Variants in KALRN observed in about 807,000 individuals in gnomAD.
The protein encoded by KALRN is kalirin RhoGEF kinase.
KALRN carries 70 observed loss-of-function variants against 353.7 expected under a neutral mutation model. The observed-to-expected ratio is 0.20, with a 90% CI of 0.16 to 0.24. The LOEUF is 0.24. Ranked by LOEUF, KALRN falls within the 10% of genes least tolerant of loss-of-function variation. The pLI is 1.00. For missense variants in KALRN, 2,791 were observed against 3,756.7 expected, an observed-to-expected ratio of 0.74 and a Z score of 6.72; for synonymous variants, 1,391 against 1,434.8, an observed-to-expected ratio of 0.97 and a Z score of 0.69.
intron 13 of KALRN, 27 bp downstream of exon 13, chr3:124,398,898 G>GCTTTGTGTTATCTATTCAAAT: frequency 6.3e-7 from 1 of 1,578,630 alleles, no homozygotes. Flanking sequence ...AGGGGAGGTG[G>GCTTTGTGTTATCTATTCAAAT]AGAGGGGCCA....
chr3:124,107,950 C>T (rs544774721), intron 1 of KALRN, among the ~76,000 whole-genome samples: 7 of 152,174 alleles, frequency 4.6e-5, no homozygotes, highest in Admixed American at 3.9e-4. Flanking sequence ...CTACACAGAT[C>T]AGAGTTAACA....
At chr3:124,421,199 A>G (rs1487378273) in intron 14 of KALRN, among the ~76,000 whole-genome samples, 1 of 152,220 alleles carries the variant, frequency 6.6e-6, no homozygotes, top group East Asian at 1.9e-4. Context: ...CAAGTAGTTC[A>G]GAGTTAGGAT....
intron 23 of KALRN, among the ~76,000 whole-genome samples, chr3:124,459,466 C>T (rs1460562324): frequency 6.6e-6 from 1 of 152,194 alleles, no homozygotes; most frequent in East Asian, 1.9e-4. Flanking sequence ...TCCTGCTTTG[C>T]TCTCTAAGTA....
chr3:124,406,194 A>C (rs1232324072), intron 13 of KALRN, among the ~76,000 whole-genome samples: 1 of 152,202 alleles, frequency 6.6e-6, no homozygotes, highest in African/African-American at 2.4e-5. Flanking sequence ...AAAGGTCTTT[A>C]GCTATTTAAA....
At position 124,558,571 on chromosome 3, in the gene KALRN, G is replaced by A. The variant is rs137899155; in HGVS notation, c.4936-4272G>A. Among the ~76,000 whole-genome samples the A allele has an allele frequency of 7.2e-4, 110 of 152,302 alleles. 1 individual carries two copies. Among genetic ancestry groups the A allele is most frequent in the East Asian group, 5.0e-3 (26 of 5,190 alleles). ...TGGGATTACAGTCACGAGCCACTGC[G>A]CCCAGCCCAGAACTTATTTTTTAGA... On this transcript the variant is annotated intron_variant, in intron 33 of 59. Transcript: ENST00000682506.
intron 34 of KALRN, among the ~76,000 whole-genome samples, chr3:124,600,828 T>C (rs908931051): frequency 6.6e-6 from 1 of 152,178 alleles, no homozygotes; most frequent in Non-Finnish European, 1.5e-5. Flanking sequence ...TTTTCCAAAA[T>C]GCCCCAGCTC....
At chr3:124,649,793 A>AGATG (rs2083187810) in intron 37 of KALRN, among the ~76,000 whole-genome samples, 1 of 139,554 alleles carries the variant, frequency 7.2e-6, no homozygotes, top group Non-Finnish European at 1.6e-5. Flanking sequence ...GTCTCAAAAT[A>AGATG]GATAGATAGA....
intron 1 of KALRN, among the ~76,000 whole-genome samples, chr3:124,077,408 ATTCATTCCTACTC>A (rs562215207): frequency 1.2e-3 from 189 of 152,248 alleles, no homozygotes; most frequent in African/African-American, 4.5e-3. Context: ...ACTTAAGGCC[ATTCATTCCTACTC>A]TTCATTCCTA....
intron 14 of KALRN, among the ~76,000 whole-genome samples, chr3:124,420,861 A>C (rs2092747617): frequency 6.6e-6 from 1 of 152,174 alleles, no homozygotes; most frequent in Non-Finnish European, 1.5e-5. Context: ...TGGTGGTGGC[A>C]GTGATGGATT....
intron 3 of KALRN, among the ~76,000 whole-genome samples, chr3:124,244,655 A>G (rs2080898931): frequency 6.6e-6 from 1 of 152,210 alleles, no homozygotes. Context: ...TTTCATGTGT[A>G]ATAGTGTGTC....
At position 124,694,417 on chromosome 3, in the gene KALRN, G is replaced by A. The variant is rs2061961451; in HGVS notation, c.7491G>A (p.Arg2497=). Residue 2497 remains arginine, a synonymous_variant, in exon 53 of 60, where the codon CGG becomes CGA. Coordinates refer to ENST00000682506, the MANE Select transcript of KALRN (RefSeq NM_001388419.1). Reference sequence around the variant, plus strand: ...TACTGCAGTGCAAAGTCTGTGGGCGGCCAAAGCCCACCATCACTTGGAAGG... The same window carrying A: ...TACTGCAGTGCAAAGTCTGTGGGCGACCAAAGCCCACCATCACTTGGAAGG... ...TVILQCKVCG[R]PKPTITWKGP... The A allele has an allele frequency of 6.2e-7, 1 of 1,614,124 alleles. No individual in the cohort carries two copies. The highest frequency in any genetic ancestry group is 8.5e-7 in the Non-Finnish European group (1 of 1,179,948).
At chr3:124,059,453 A>G (rs1391982173) in intron 1 of KALRN, among the ~76,000 whole-genome samples, 1 of 152,158 alleles carries the variant, frequency 6.6e-6, no homozygotes, top group African/African-American at 2.4e-5. Context: ...TATACAATAC[A>G]TTGTTATTAA....
At chr3:124,309,860 T>G (rs1000473503) in intron 6 of KALRN, among the ~76,000 whole-genome samples, 1 of 152,176 alleles carries the variant, frequency 6.6e-6, no homozygotes, top group Non-Finnish European at 1.5e-5. Context: ...CTTCCCCGCT[T>G]AAGATCAAGA....
At chr3:124,167,718 T>C (rs1410917740) in intron 1 of KALRN, among the ~76,000 whole-genome samples, 1 of 152,240 alleles carries the variant, frequency 6.6e-6, no homozygotes, top group Non-Finnish European at 1.5e-5. Flanking sequence ...CAAAGTCTGG[T>C]TGGGATGCCA....
chr3:124,553,797 C>G (rs2070849312), intron 33 of KALRN, among the ~76,000 whole-genome samples: 1 of 152,240 alleles, frequency 6.6e-6, no homozygotes, highest in Non-Finnish European at 1.5e-5. Context: ...GTAGACAGGA[C>G]AGTTGGACAG....
chr3:124,211,844 C>G (rs1247515025), intron 1 of KALRN, among the ~76,000 whole-genome samples: 5 of 152,116 alleles, frequency 3.3e-5, no homozygotes, highest in Non-Finnish European at 5.9e-5. Context: ...CCTCTATTGA[C>G]TGAAAAGCAT....
chr3:124,429,280 G>A (rs933729270), intron 15 of KALRN, among the ~76,000 whole-genome samples: 8 of 152,306 alleles, frequency 5.3e-5, no homozygotes, highest in African/African-American at 1.9e-4. Context: ...TGTTATCTAT[G>A]CACAATAAGG....
chr3:124,070,582 T>A (rs2059971015), intron 1 of KALRN, among the ~76,000 whole-genome samples: 1 of 152,316 alleles, frequency 6.6e-6, no homozygotes, highest in East Asian at 1.9e-4. Flanking sequence ...ACAAACCCAC[T>A]TTCATTATTA....
At chr3:124,314,293 T>A (rs1436364274) in intron 6 of KALRN, among the ~76,000 whole-genome samples, 1 of 132,688 alleles carries the variant, frequency 7.5e-6, no homozygotes, top group East Asian at 2.2e-4. Context: ...AGGTGGGAAT[T>A]GAACAATGAG....
Sources: allele counts gnomAD v4.1 joint callset (sites outside exome capture counted in the v4.1 genomes callset), GRCh38; gene constraint gnomAD v4.1.1; transcripts MANE v1.5; gene names NCBI Gene and HGNC (gene_info 2026-07-23, HGNC 2026-07-21).